Variants in BMPR2 observed in about 807,000 individuals in gnomAD.
The protein encoded by BMPR2 is bone morphogenetic protein receptor type 2.
Under a neutral mutation model 100.8 loss-of-function variants are expected in BMPR2, and 29 were observed. The ratio of observed to expected loss-of-function variants is 0.29; its 90% CI spans 0.21 to 0.39. BMPR2 has a LOEUF of 0.39. Among genes scored for constraint, BMPR2 ranks in the 10% least tolerant of loss-of-function variants. The pLI, the probability that BMPR2 is intolerant of heterozygous loss-of-function variation, is 1.00. For synonymous variants in BMPR2, 382 were observed against 442.3 expected (o/e 0.86, Z 1.71); for missense variants, 1,011 against 1,274.5 (o/e 0.79, Z 3.15).
intron 9 of BMPR2, among the ~76,000 whole-genome samples, chr2:202,541,450 T>C (rs888644652): frequency 1.3e-5 from 2 of 152,122 alleles, no homozygotes; most frequent in Non-Finnish European, 2.9e-5. Flanking sequence ...TTTTTTAAAG[T>C]ATATTGATTT....
At position 202,551,375 on chromosome 2, in the gene BMPR2, A is replaced by C. The variant is rs559212805; in HGVS notation, c.1414-1341A>C. 4.3e-4 allele frequency among the ~76,000 whole-genome samples: 65 copies of C among 151,242 alleles called. 1 individual carries two copies. The East Asian group carries it at 8.0e-3, about 19-fold the overall frequency. On this transcript the variant is annotated intron_variant, in intron 10 of 12. Coordinates refer to ENST00000374580, the MANE Select transcript of BMPR2 (RefSeq NM_001204.7). ...ACTAAAGATACAAAAAAAAAAAAAA[A>C]CAGCCGGGCGTGGTGGCAGGCGCCT...
chr2:202,411,525 T>C (rs1691012794), intron 1 of BMPR2, among the ~76,000 whole-genome samples: 1 of 152,192 alleles, frequency 6.6e-6, no homozygotes, highest in Admixed American at 6.5e-5. Context: ...TTGGTTGCTG[T>C]GAATGGCCTG....
At chr2:202,422,212 A>C (rs1691277965) in intron 1 of BMPR2, among the ~76,000 whole-genome samples, 1 of 150,390 alleles carries the variant, frequency 6.6e-6, no homozygotes, top group Admixed American at 6.6e-5. Flanking sequence ...CGGCCGTTAA[A>C]GCTTGCTTTA....
intron 3 of BMPR2, among the ~76,000 whole-genome samples, chr2:202,501,669 A>T (rs2105991424): frequency 6.6e-6 from 1 of 152,276 alleles, no homozygotes; most frequent in East Asian, 1.9e-4. Context: ...CAAGGAAAGG[A>T]TCTCACTGTC....
intron 2 of BMPR2, among the ~76,000 whole-genome samples, chr2:202,466,502 G>A (rs180937713): frequency 6.6e-6 from 1 of 152,168 alleles, no homozygotes; most frequent in East Asian, 1.9e-4. Context: ...GGCCAGGGTG[G>A]TCTCGATCTC....
intron 3 of BMPR2, among the ~76,000 whole-genome samples, chr2:202,512,786 T>A (rs1031952253): frequency 6.6e-6 from 1 of 152,146 alleles, no homozygotes; most frequent in African/African-American, 2.4e-5. Context: ...TGGGCTCAGA[T>A]AGGAGAAGAA....
intron 1 of BMPR2, among the ~76,000 whole-genome samples, chr2:202,400,063 C>T (rs556637794): frequency 2.0e-5 from 3 of 152,176 alleles, no homozygotes; most frequent in Non-Finnish European, 4.4e-5. Flanking sequence ...GCATTGAGCA[C>T]AGATGATGCC....
chr2:202,444,910 T>C lies in BMPR2; in HGVS notation c.77-19899T>C, dbSNP rs185660987. The stretch of plus-strand genomic sequence containing the variant: ...TTCAAGCAATTCTCGTGCCTCAGCC[T>C]CCCAAGTAGCTGGGATTACAGGCAT... On this transcript the variant is annotated intron_variant, in intron 1 of 12. Transcript: ENST00000374580. Among the ~76,000 whole-genome samples the C allele has an allele frequency of 2.9e-4, 43 of 150,702 alleles. 4 individuals are homozygous for C. The highest frequency in any genetic ancestry group is 9.2e-4 in the African/African-American group (37 of 40,062).
At chr2:202,404,451 C>T (rs1199156493) in intron 1 of BMPR2, among the ~76,000 whole-genome samples, 5 of 152,124 alleles carry the variant, frequency 3.3e-5, no homozygotes, top group African/African-American at 7.2e-5. Context: ...CCGCCTTGGC[C>T]TCCCAAAATG....
intron 9 of BMPR2, among the ~76,000 whole-genome samples, chr2:202,534,219 GTGTA>G (rs1478626380): frequency 3.3e-4 from 45 of 135,784 alleles, no homozygotes; most frequent in South Asian, 9.0e-4. Flanking sequence ...TCGTGTGTGT[GTGTA>G]TATATATATA....
At chr2:202,520,006 T>C in intron 6 of BMPR2, 81 bp from the exon 7 acceptor site, 1 of 875,786 alleles carries the variant, frequency 1.1e-6, no homozygotes, top group Non-Finnish European at 1.9e-6. Flanking sequence ...GCAAATTCTT[T>C]ATAAGGATGC....
intron 1 of BMPR2, among the ~76,000 whole-genome samples, chr2:202,420,123 T>C (rs887529872): frequency 2.6e-4 from 39 of 152,158 alleles, no homozygotes; most frequent in African/African-American, 9.4e-4. Flanking sequence ...AGAGTTATAA[T>C]TGAATAATTA....
intron 1 of BMPR2, among the ~76,000 whole-genome samples, chr2:202,418,793 G>A (rs546621047): frequency 2.0e-5 from 3 of 152,328 alleles, no homozygotes; most frequent in African/African-American, 7.2e-5. Context: ...GATTGTAAAT[G>A]TATCTTATCA....
chr2:202,469,706 C>G (rs1574465160), intron 3 of BMPR2, among the ~76,000 whole-genome samples: 1 of 151,384 alleles, frequency 6.6e-6, no homozygotes, highest in South Asian at 2.1e-4. Flanking sequence ...CTCAAATTCC[C>G]GACCTCAGAT....
At chr2:202,409,280 G>A (rs950943980) in intron 1 of BMPR2, among the ~76,000 whole-genome samples, 1 of 152,186 alleles carries the variant, frequency 6.6e-6, no homozygotes, top group Non-Finnish European at 1.5e-5. Flanking sequence ...AGAAGGCGGG[G>A]AAGTTGCAGT....
At chr2:202,473,845 GCCTGTAATC>G (rs1692483840) in intron 3 of BMPR2, among the ~76,000 whole-genome samples, 1 of 151,668 alleles carries the variant, frequency 6.6e-6, no homozygotes, top group Admixed American at 6.6e-5. Context: ...AGTGGCTCAT[GCCTGTAATC>G]CCAGCACGTT....
intron 1 of BMPR2, among the ~76,000 whole-genome samples, chr2:202,436,282 G>A (rs890497954): frequency 4.0e-5 from 6 of 150,206 alleles, no homozygotes; most frequent in South Asian, 2.1e-4. Flanking sequence ...GTGAAACCCC[G>A]TCTCTACAAA....
Position 202,530,874 on chromosome 2 carries a change from A to T in BMPR2, c.1048A>T (p.Ser350Cys). The T allele has an allele frequency of 1.9e-6, 3 of 1,614,100 alleles. No homozygotes were observed. The highest frequency in any genetic ancestry group is 2.5e-6 in the Non-Finnish European group (3 of 1,179,950). The change falls in exon 8 of 13, where the codon AGT becomes TGT. Residue 350 changes from serine (S) to cysteine (C), a missense_variant. This residue lies in a region of BMPR2 where 355 missense variants were observed against 455.3 expected (regional missense o/e 0.78). Coordinates refer to ENST00000374580, the MANE Select transcript of BMPR2 (RefSeq NM_001204.7). ...GAAAAATGATGGAACCTGTGTTATT[A>T]GTGACTTTGGACTGTCCATGAGGCT... is the stretch of plus-strand genomic sequence containing the variant. ...LVKNDGTCVI[S>C]DFGLSMRLTG...
chr2:202,556,078 A>C lies in BMPR2; in HGVS notation c.2413A>C (p.Thr805Pro). The C allele has an allele frequency of 6.2e-7, 1 of 1,614,226 alleles. No individual in the cohort carries two copies. Among genetic ancestry groups the C allele is most frequent in the South Asian group, 1.1e-5 (1 of 91,084 alleles). The change falls in exon 12 of 13, where the codon ACC (threonine) becomes CCC (proline). Residue 805 changes from threonine to proline, a missense_variant. Physicochemically the swap from Thr to Pro is conservative, Grantham distance 38 (BLOSUM62 -1). Coordinates refer to ENST00000374580, the MANE Select transcript of BMPR2 (RefSeq NM_001204.7). ...NAAEPHVVTV[T>P]MNGVAGRNHS... ...AGCAGAACCTCATGTGGTGACAGTC[A>C]CCATGAATGGTGTGGCAGGTAGAAA... is the stretch of plus-strand genomic sequence containing the variant.
Sources: gnomAD v4.1 joint callset for allele counts (sites outside exome capture counted in the v4.1 genomes callset) on GRCh38, gnomAD v4.1.1 for gene constraint, gnomAD v4.1.1 regional missense constraint, MANE v1.5 for transcripts, NCBI Gene and HGNC (gene_info 2026-07-23, HGNC 2026-07-21) for gene names.